The following ULK4 variants were observed in gnomAD, a reference collection of about 807,000 sequenced individuals.
ULK4 encodes the protein unc-51 like kinase 4, also known as inactive serine/threonine-protein kinase ULK4.
ULK4 carries 133 observed loss-of-function variants against 160.6 expected under a neutral mutation model. The observed-to-expected ratio is 0.83, with a 90% CI of 0.72 to 0.96. The LOEUF (loss-of-function observed/expected upper bound fraction) is 0.96. ULK4 is among the 40% of genes least tolerant of loss of function. The pLI, the probability that ULK4 is intolerant of heterozygous loss-of-function variation, is 0.00. For missense variants in ULK4, 1,580 were observed against 1,499.5 expected (o/e 1.05, Z -0.89); for synonymous variants, 534 against 539.8 (o/e 0.99, Z 0.15).
intron 17 of ULK4, among the ~76,000 whole-genome samples, chr3:41,853,920 AC>A (rs35201233): frequency 2.0e-5 from 3 of 151,858 alleles, no homozygotes; most frequent in African/African-American, 4.8e-5. Context: ...CATGCATGTG[AC>A]CCCCCTTCAT....
At chr3:41,738,918 A>T (rs1221439852) in intron 22 of ULK4, among the ~76,000 whole-genome samples, 3 of 151,938 alleles carry the variant, frequency 2.0e-5, no homozygotes, top group Non-Finnish European at 2.9e-5. Flanking sequence ...GACCTAGCAT[A>T]TCTAGTACTA....
intron 32 of ULK4, among the ~76,000 whole-genome samples, chr3:41,496,754 G>C (rs1291333024): frequency 6.6e-6 from 1 of 152,126 alleles, no homozygotes; most frequent in Non-Finnish European, 1.5e-5. Flanking sequence ...CAGTCAAGGA[G>C]TTCCGACAAT....
intron 31 of ULK4, among the ~76,000 whole-genome samples, chr3:41,584,071 A>AT (rs1320120620): frequency 6.6e-6 from 1 of 152,196 alleles, no homozygotes; most frequent in Non-Finnish European, 1.5e-5. Flanking sequence ...CCAAATCTTG[A>AT]TTGAGTCTAT....
At chr3:41,551,777 C>T (rs556229361) in intron 32 of ULK4, among the ~76,000 whole-genome samples, 2 of 151,700 alleles carry the variant, frequency 1.3e-5, no homozygotes, top group East Asian at 1.9e-4. Flanking sequence ...TCTACAAGGC[C>T]AGCATTACCA....
In ULK4 at chr3:41,789,679, T is replaced by C; in HGVS notation, c.2175A>G (p.Gln725=). The change falls in exon 21 of 37, where the codon CAA becomes CAG. Residue 725 remains glutamine (Q), a synonymous_variant. Coordinates refer to ENST00000301831, the MANE Select transcript of ULK4 (RefSeq NM_017886.4). ...GTCAAACCTTTTCTTGGATTAGTCTTTGAAGATGAATCCCACAGGACAACA... is the reference window on the plus strand; with the variant it reads ...GTCAAACCTTTTCTTGGATTAGTCTCTGAAGATGAATCCCACAGGACAACA... ...AAMLSCGIHL[Q]RLIQEKGFVS... The C allele has an allele frequency of 6.3e-7, 1 of 1,584,730 alleles. No individual in the cohort carries two copies. Among genetic ancestry groups the C allele is most frequent in the Non-Finnish European group, 8.6e-7 (1 of 1,167,550 alleles).
At chr3:41,953,231 TAC>T (rs960596083) in intron 2 of ULK4, among the ~76,000 whole-genome samples, 2 of 148,680 alleles carry the variant, frequency 1.3e-5, no homozygotes, top group Non-Finnish European at 3.0e-5. Flanking sequence ...TACATATATA[TAC>T]ACACACATAT....
chr3:41,850,863 C>G (rs977167291), intron 17 of ULK4, among the ~76,000 whole-genome samples: 1 of 151,962 alleles, frequency 6.6e-6, no homozygotes, highest in South Asian at 2.1e-4. Flanking sequence ...TTTTGGTGTC[C>G]TAGACATGAA....
chr3:41,566,191 A>T lies in ULK4; in HGVS notation c.3121-61T>A, dbSNP rs142255419. 3.2e-3 allele frequency: 4,619 copies of T among 1,427,324 alleles called. 11 individuals are homozygous for T. Among genetic ancestry groups the T allele is most frequent in the Non-Finnish European group, 4.1e-3 (4,184 of 1,020,476 alleles). The allele number at this position is 1,427,324 out of a possible 1,614,324, so 88.4% of individuals were successfully genotyped here. A position where few individuals can be genotyped will look rare whatever the true frequency, so the allele number is the denominator to read the frequency against. ...GAAATACAATTACATCATCGTAAAG[A>T]CAAATAAGCAAATGATGTCCACTGC... On this transcript the variant is annotated intron_variant, in intron 31 of 36. Transcript: ENST00000301831.
chr3:41,865,816 A>C (rs1355618148), intron 17 of ULK4, among the ~76,000 whole-genome samples: 1 of 152,186 alleles, frequency 6.6e-6, no homozygotes, highest in Non-Finnish European at 1.5e-5. Flanking sequence ...TTAAAATACA[A>C]AACTCAAAAC....
chr3:41,907,837 C>G lies in ULK4; in HGVS notation c.1182+8G>C. 4.5e-6 allele frequency: 7 copies of G among 1,547,408 alleles called. No individual in the cohort carries two copies. Among genetic ancestry groups the G allele is most frequent in the Non-Finnish European group, 6.1e-6 (7 of 1,149,442 alleles). ...TATGTAGGAAGAAAATTTCCCAAGT[C>G]TGCTCACCTTGGTCAGAGGAGAAGT... On this transcript the variant is annotated splice_region_variant and intron_variant, in intron 12 of 36. Coordinates refer to ENST00000301831, the MANE Select transcript of ULK4 (RefSeq NM_017886.4).
rs150279881 is a variant in ULK4, at chr3:41,525,573, C to T, written c.3226+40452G>A. ...AAAACAGCCCTTTCCAGGCAGCTTTCACTCCAGATCCCATCATCGCTCCCT... is the reference window on the plus strand; with the variant it reads ...AAAACAGCCCTTTCCAGGCAGCTTTTACTCCAGATCCCATCATCGCTCCCT... On this transcript the variant is annotated intron_variant, in intron 32 of 36. Coordinates refer to ENST00000301831, the MANE Select transcript of ULK4 (RefSeq NM_017886.4). 3.9e-5 allele frequency among the ~76,000 whole-genome samples: 6 copies of T among 152,318 alleles called. No individual in the cohort carries two copies. In the East Asian group the frequency reaches 1.2e-3, roughly 29 times the overall value.
chr3:41,651,790 T>C (rs562026251), intron 30 of ULK4, among the ~76,000 whole-genome samples: 2 of 152,334 alleles, frequency 1.3e-5, no homozygotes, highest in East Asian at 1.9e-4. Context: ...AGGAAGGAAC[T>C]GTGAATTAGT....
In ULK4 at chr3:41,530,739, C is replaced by T. The variant is rs73080711; in HGVS notation, c.3226+35286G>A. On this transcript the variant is annotated intron_variant, in intron 32 of 36. Coordinates refer to ENST00000301831, the MANE Select transcript of ULK4 (RefSeq NM_017886.4). The stretch of plus-strand genomic sequence containing the variant: ...AACTAGAATAACTGAATACATTCTC[C>T]TCAATAATGAAGTAAAATGAATTTT... Among the ~76,000 whole-genome samples, 807 of 152,278 alleles carry T rather than the reference C, an allele frequency of 5.3e-3. 4 individuals are homozygous for T. The highest frequency in any genetic ancestry group is 8.2e-3 in the Admixed American group (125 of 15,304).
chr3:41,258,646 C>T (rs1415101958), intron 35 of ULK4, among the ~76,000 whole-genome samples: 1 of 152,170 alleles, frequency 6.6e-6, no homozygotes, highest in Non-Finnish European at 1.5e-5. Flanking sequence ...CATCAAATGG[C>T]AGGCATCCAT....
chr3:41,515,024 G>A (rs1390018183), intron 32 of ULK4, among the ~76,000 whole-genome samples: 3 of 152,132 alleles, frequency 2.0e-5, no homozygotes, highest in African/African-American at 7.2e-5. Context: ...GGAGGCTGGG[G>A]CGGGTAGATC....
At chr3:41,387,133 G>T (rs2081832443) in intron 35 of ULK4, among the ~76,000 whole-genome samples, 1 of 152,068 alleles carries the variant, frequency 6.6e-6, no homozygotes, top group African/African-American at 2.4e-5. Context: ...ATAAATTCAT[G>T]GGGTACACAG....
chr3:41,887,658 A>G (rs1373707430), intron 16 of ULK4, among the ~76,000 whole-genome samples: 2 of 152,052 alleles, frequency 1.3e-5, no homozygotes, highest in African/African-American at 4.8e-5. Context: ...CATCTCTACT[A>G]AAATATACAA....
chr3:41,571,981 GA>G (rs1288911814), intron 31 of ULK4, among the ~76,000 whole-genome samples: 1 of 152,146 alleles, frequency 6.6e-6, no homozygotes, highest in African/African-American at 2.4e-5. Context: ...AGACAGCACT[GA>G]TAACGTATTG....
chr3:41,649,097 C>T (rs2034630652), intron 30 of ULK4, among the ~76,000 whole-genome samples: 1 of 151,540 alleles, frequency 6.6e-6, no homozygotes, highest in African/African-American at 2.4e-5. Flanking sequence ...CACTGCACTC[C>T]AGCCTGGGTG....
Sources: gnomAD v4.1 joint callset for allele counts (sites outside exome capture counted in the v4.1 genomes callset) on GRCh38, gnomAD v4.1.1 for gene constraint, MANE v1.5 for transcripts, NCBI Gene and HGNC (gene_info 2026-07-23, HGNC 2026-07-21) for gene names.